EHMT1: variants seen among roughly 807,000 people sequenced by gnomAD.
EHMT1 encodes histone-lysine N-methyltransferase EHMT1.
Under a neutral mutation model 147.2 loss-of-function variants are expected in EHMT1, and 15 were observed. The ratio of observed to expected loss-of-function variants is 0.10; its 90% CI spans 0.07 to 0.16. The LOEUF (loss-of-function observed/expected upper bound fraction) is 0.16, where lower values mean the gene tolerates loss of function less well. Ranked by LOEUF, EHMT1 falls within the 10% of genes least tolerant of loss-of-function variation. EHMT1 has a pLI of 1.00. For synonymous variants in EHMT1, 795 were observed against 709.6 expected (o/e 1.12, Z -1.91); for missense variants, 1,587 against 1,772.4 (o/e 0.90, Z 1.88).
chr9:137,675,783 T>G (rs965646282), intron 1 of EHMT1, among the ~76,000 whole-genome samples: 1 of 122,842 alleles, frequency 8.1e-6, no homozygotes, highest in Non-Finnish European at 1.7e-5. Context: ...CGGCTAATTT[T>G]TTTTTTTTTT....
intron 1 of EHMT1, among the ~76,000 whole-genome samples, chr9:137,635,802 A>G (rs980109084): frequency 2.0e-5 from 3 of 151,810 alleles, no homozygotes; most frequent in African/African-American, 7.2e-5. Context: ...CCTGGGCGAC[A>G]GAGCGAGACT....
At chr9:137,623,435 G>A (rs1843060852) in intron 1 of EHMT1, among the ~76,000 whole-genome samples, 1 of 149,998 alleles carries the variant, frequency 6.7e-6, no homozygotes, top group African/African-American at 2.5e-5. Flanking sequence ...TTTTTTTTGA[G>A]ATGGAGGTCC....
chr9:137,796,703 CAAAAAAA>C (rs11449759), intron 16 of EHMT1, among the ~76,000 whole-genome samples: 1 of 85,852 alleles, frequency 1.2e-5, no homozygotes, highest in African/African-American at 5.2e-5. Flanking sequence ...GACTCCATCT[CAAAAAAA>C]AAAAAAAAAA....
chr9:137,768,974 A>G (rs1397818844), intron 10 of EHMT1, among the ~76,000 whole-genome samples: 1 of 152,224 alleles, frequency 6.6e-6, no homozygotes, highest in Non-Finnish European at 1.5e-5. Flanking sequence ...GTCGTGAGCT[A>G]CCACACCCAG....
At chr9:137,827,922 G>A (rs1203538997) in intron 25 of EHMT1, among the ~76,000 whole-genome samples, 1 of 152,218 alleles carries the variant, frequency 6.6e-6, no homozygotes, top group Non-Finnish European at 1.5e-5. Context: ...GCCCTCAGCG[G>A]TGTCCGTTCC....
chr9:137,756,240 G>C (rs1176828607), intron 8 of EHMT1, among the ~76,000 whole-genome samples: 1 of 152,178 alleles, frequency 6.6e-6, no homozygotes, highest in Non-Finnish European at 1.5e-5. Flanking sequence ...GCCCCTTCTT[G>C]GCAGTGGGTG....
At chr9:137,788,610 G>T (rs1398198086) in intron 15 of EHMT1, 1 of 152,484 alleles carries the variant, frequency 6.6e-6, no homozygotes, top group Non-Finnish European at 1.5e-5. Context: ...TTGCCGTGCT[G>T]CAGGTGTCTC....
intron 10 of EHMT1, among the ~76,000 whole-genome samples, chr9:137,773,288 G>A (rs1950710473): frequency 6.6e-6 from 1 of 152,210 alleles, no homozygotes; most frequent in Admixed American, 6.5e-5. Context: ...TCCTGAACCA[G>A]GGAGTCACTG....
chr9:137,687,315 T>C (rs1942543837), intron 1 of EHMT1, among the ~76,000 whole-genome samples: 2 of 152,212 alleles, frequency 1.3e-5, no homozygotes, highest in African/African-American at 4.8e-5. Context: ...TGAATTTCCT[T>C]ATGAATTTTA....
At chr9:137,749,692 A>G (rs1948823756) in intron 6 of EHMT1, among the ~76,000 whole-genome samples, 1 of 152,236 alleles carries the variant, frequency 6.6e-6, no homozygotes, top group Non-Finnish European at 1.5e-5. Context: ...TGTCTTATGC[A>G]CAGTGATCAA....
chr9:137,719,482 A>G (rs1359762653), intron 3 of EHMT1, among the ~76,000 whole-genome samples: 4 of 152,180 alleles, frequency 2.6e-5, no homozygotes, highest in Non-Finnish European at 5.9e-5. Flanking sequence ...GGTGCGGACA[A>G]CTGCCCTAGC....
chr9:137,619,069 GGGGGCGGCGC>G lies in EHMT1; in HGVS notation c.21+25_21+34del. On this transcript the variant is annotated intron_variant, in intron 1 of 26. Transcript: ENST00000460843. Reference sequence around the variant, plus strand: ...GCCGAGGTGAGCAGCGGGGCCGGCGGGGGGCGGCGCGGGGGCGGCGGGCAGCGGCGGAGGC... The same window carrying G: ...GCCGAGGTGAGCAGCGGGGCCGGCGGGGGGGCGGCGGGCAGCGGCGGAGGC... 2.3e-6 allele frequency: 2 copies of G among 877,948 alleles called. No individual in the cohort carries two copies. The highest frequency in any genetic ancestry group is 2.7e-6 in the Non-Finnish European group (2 of 734,980). 54.4% of individuals were successfully genotyped at this position (877,948 alleles called of 1,614,324 possible).
intron 1 of EHMT1, among the ~76,000 whole-genome samples, chr9:137,646,978 C>G (rs1265534524): frequency 6.6e-6 from 1 of 152,116 alleles, no homozygotes; most frequent in African/African-American, 2.4e-5. Flanking sequence ...TAGACATTGT[C>G]ATTGGTTAGT....
chr9:137,636,794 TG>T (rs1844105007), intron 1 of EHMT1, among the ~76,000 whole-genome samples: 1 of 152,168 alleles, frequency 6.6e-6, no homozygotes, highest in South Asian at 2.1e-4. Flanking sequence ...GCTAGTATTT[TG>T]TTGGGGATTG....
At chr9:137,725,023 G>T (rs1946475393) in intron 3 of EHMT1, among the ~76,000 whole-genome samples, 1 of 145,112 alleles carries the variant, frequency 6.9e-6, no homozygotes, top group African/African-American at 2.6e-5. Flanking sequence ...CATGGGGCAG[G>T]CGTGTGGCCT....
chr9:137,811,376 A>C (rs1036690376), intron 18 of EHMT1, 85 bp from the exon 19 acceptor site: 1 of 1,589,546 alleles, frequency 6.3e-7, no homozygotes, highest in Non-Finnish European at 8.6e-7. Context: ...CTCCCCGGGC[A>C]CATGGGCTGC....
chr9:137,781,090 TGG>T (rs1951452110), intron 14 of EHMT1, among the ~76,000 whole-genome samples: 1 of 9,870 alleles, frequency 1.0e-4, no homozygotes, highest in Admixed American at 1.0e-3. Context: ...GTGATGACGC[TGG>T]GATGTGTGGT....
rs145935841 is a variant in EHMT1 at position 137,642,521 on chromosome 9, C to T, written c.21+23472C>T. 1.8e-4 allele frequency among the ~76,000 whole-genome samples: 27 copies of T among 152,224 alleles called. No homozygotes were observed. The East Asian group carries it at 4.6e-3, about 26-fold the overall frequency. On this transcript the variant is annotated intron_variant, in intron 1 of 26. Coordinates refer to ENST00000460843, the MANE Select transcript of EHMT1 (RefSeq NM_024757.5). The stretch of plus-strand genomic sequence containing the variant: ...TTTTCTAGTGTATACCATTTTAATT[C>T]CCTTGCTGTTTATTTGACTGTATTT...
At chr9:137,693,415 T>C (rs141344295) in intron 1 of EHMT1, among the ~76,000 whole-genome samples, 6 of 152,156 alleles carry the variant, frequency 3.9e-5, no homozygotes, top group Non-Finnish European at 8.8e-5. Flanking sequence ...TGTAGTTAGT[T>C]GTTCCCATTT....
Sources: allele counts gnomAD v4.1 joint callset (sites outside exome capture counted in the v4.1 genomes callset), GRCh38; gene constraint gnomAD v4.1.1; transcripts MANE v1.5; gene names NCBI Gene and HGNC (gene_info 2026-07-23, HGNC 2026-07-21).